Variants in PKD1L1 observed in about 807,000 individuals in gnomAD.
PKD1L1 encodes polycystin 1 like 1, transient receptor potential channel interacting, also known as polycystin-1-like protein 1.
In PKD1L1, 236 loss-of-function variants were observed where a neutral mutation model predicts 323.4. The observed-to-expected ratio is 0.73, with a 90% CI of 0.66 to 0.81. PKD1L1 has a LOEUF of 0.81. PKD1L1 is among the 40% of genes least tolerant of loss of function. The pLI, the probability that PKD1L1 is intolerant of heterozygous loss-of-function variation, is 0.00. For synonymous variants in PKD1L1, 1,344 were observed against 1,335.0 expected (o/e 1.01, Z -0.15); for missense variants, 3,320 against 3,508.0 (o/e 0.95, Z 1.35).
intron 26 of PKD1L1, among the ~76,000 whole-genome samples, chr7:47,863,424 A>G (rs1786076470): frequency 6.6e-6 from 1 of 151,790 alleles, no homozygotes; most frequent in African/African-American, 2.4e-5. Context: ...ATGAGATCAC[A>G]CAGGGAGGAG....
chr7:47,842,521 G>C (rs1187135299), intron 34 of PKD1L1, among the ~76,000 whole-genome samples: 1 of 152,082 alleles, frequency 6.6e-6, no homozygotes, highest in Non-Finnish European at 1.5e-5. Context: ...ACAGCTCACC[G>C]CGGCACCCCT....
At position 47,833,192 on chromosome 7, in the gene PKD1L1, T is replaced by C. The variant is rs765086244; in HGVS notation, c.6235A>G (p.Asn2079Asp). ...TTAGGGGCTGGACAAGCTGTGCCAT[T>C]GTCACTTGCCGCCTTCCTTTGGGCC... ...GRAQRKAASD[N>D]GTACPAPKLQ... is the part of the protein sequence containing the mutation. The change falls in exon 41 of 57, where the codon AAT becomes GAT. Residue 2079 changes from asparagine to aspartate, a missense_variant. By Grantham distance (23) the Asn-to-Asp change is conservative. Coordinates refer to ENST00000289672, the MANE Select transcript of PKD1L1 (RefSeq NM_138295.5). 1 of 1,612,988 alleles carries C rather than the reference T, an allele frequency of 6.2e-7. No individual in the cohort carries two copies. Among genetic ancestry groups the C allele is most frequent in the Non-Finnish European group, 8.5e-7 (1 of 1,179,584 alleles).
intron 3 of PKD1L1, among the ~76,000 whole-genome samples, chr7:47,938,715 C>G (rs2686826): frequency 0.81 from 122,751 of 152,100 alleles, 50,263 homozygotes; most frequent in East Asian, 1. Context: ...CAGGACCAAG[C>G]CCTTTGGGAC....
chr7:47,852,986 A>T (rs1424098870), intron 31 of PKD1L1, 141 bp downstream of exon 31: 1 of 656,958 alleles, frequency 1.5e-6, no homozygotes, highest in East Asian at 2.6e-5. Flanking sequence ...ATAGTGGAGC[A>T]GTTTGTTTAT....
intron 16 of PKD1L1, 28 bp downstream of exon 16, chr7:47,890,514 G>A: frequency 6.2e-7 from 1 of 1,604,088 alleles, no homozygotes; most frequent in Non-Finnish European, 8.5e-7. Context: ...CCGGTGAGCT[G>A]AGCTGTGCTG....
chr7:47,784,795 C>T (rs1413673581), intron 56 of PKD1L1, among the ~76,000 whole-genome samples: 1 of 152,098 alleles, frequency 6.6e-6, no homozygotes, highest in East Asian at 1.9e-4. Flanking sequence ...TTTTTAAAAG[C>T]GTTTCACTTG....
chr7:47,879,672 G>T (rs368206397), intron 21 of PKD1L1, among the ~76,000 whole-genome samples: 2 of 137,804 alleles, frequency 1.5e-5, no homozygotes, highest in East Asian at 2.1e-4. Flanking sequence ...GGTGGCTCAC[G>T]CCTGTAATCC....
intron 4 of PKD1L1, among the ~76,000 whole-genome samples, chr7:47,936,068 T>G (rs1411247997): frequency 6.6e-6 from 1 of 152,264 alleles, no homozygotes; most frequent in Non-Finnish European, 1.5e-5. Context: ...AAACCATCAA[T>G]TTCAGGTACA....
At position 47,881,936 on chromosome 7, in the gene PKD1L1, C is replaced by T; in HGVS notation, c.3415G>A (p.Ala1139Thr). The T allele has an allele frequency of 6.2e-7, 1 of 1,604,996 alleles. No homozygotes were observed. The highest frequency in any genetic ancestry group is 8.5e-7 in the Non-Finnish European group (1 of 1,177,310). The change falls in exon 20 of 57, where the codon GCA (alanine) becomes ACA (threonine). Residue 1139 changes from alanine (A) to threonine (T), a missense_variant. Ala to Thr is a moderately conservative substitution (Grantham distance 58). Transcript: ENST00000289672. Reference protein sequence around the residue: ...IDWPKALLGRAVFQGYSSSGI... With the variant: ...IDWPKALLGRTVFQGYSSSGI... The stretch of plus-strand genomic sequence containing the variant: ...GAGGATGAATAGCCTTGGAAAACTG[C>T]TCGACCCAGCAGGGCCTTGGGCCAG...
At chr7:47,783,191 C>CA (rs773738565) in intron 56 of PKD1L1, among the ~76,000 whole-genome samples, 86 of 151,484 alleles carry the variant, frequency 5.7e-4, no homozygotes, top group Non-Finnish European at 9.6e-4. Flanking sequence ...TTTAAAATAG[C>CA]AAAAAAAATC....
Position 47,839,713 on chromosome 7 carries a change from T to G in PKD1L1, c.5553-51A>C. ...AGCCGGGTGGGTGACAGTGTGGTCC[T>G]GGCATCCCATCAGCCCCAATGCTCA... On this transcript the variant is annotated intron_variant, in intron 35 of 56. Transcript: ENST00000289672. The surrounding 1 kb of genome is among the most constrained non-coding windows in gnomAD (Gnocchi z 4.3). 1 of 1,516,876 alleles carries G rather than the reference T, an allele frequency of 6.6e-7. No individual in the cohort carries two copies. Among genetic ancestry groups the G allele is most frequent in the Non-Finnish European group, 8.9e-7 (1 of 1,120,300 alleles). 94.0% of individuals were successfully genotyped at this position (1,516,876 alleles called of 1,614,324 possible).
In PKD1L1 at chr7:47,811,822, G is replaced by T; in HGVS notation, c.7576C>A (p.Pro2526Thr). The T allele has an allele frequency of 3.1e-6, 5 of 1,600,806 alleles. No individual in the cohort carries two copies. Among genetic ancestry groups the T allele is most frequent in the Non-Finnish European group, 4.3e-6 (5 of 1,174,316 alleles). Residue 2526 changes from proline to threonine, a missense_variant, in exon 50 of 57, where the codon CCC becomes ACC. Coordinates refer to ENST00000289672, the MANE Select transcript of PKD1L1 (RefSeq NM_138295.5). ...DSALQYHLML[P>T]QLVFLALSLI... is the part of the protein sequence containing the mutation. ...CAAGAGGCAGGTCAGCTCACCTGGG[G>T]AAGCATGAGGTGGTACTGCAGGGCT...
At chr7:47,861,955 G>A (rs1232942203) in intron 26 of PKD1L1, among the ~76,000 whole-genome samples, 1 of 150,822 alleles carries the variant, frequency 6.6e-6, no homozygotes, top group Non-Finnish European at 1.5e-5. Flanking sequence ...AGCACTTTGG[G>A]AGGCTGAGGC....
intron 46 of PKD1L1, chr7:47,819,705 G>C: frequency 1.8e-6 from 1 of 568,646 alleles, no homozygotes; most frequent in South Asian, 1.8e-5. Context: ...CATAGCACTG[G>C]GACTTCCAGG....
At position 47,813,302 on chromosome 7, in the gene PKD1L1, C is replaced by T; in HGVS notation, c.7174-9G>A. On this transcript the variant is annotated splice_polypyrimidine_tract_variant and intron_variant, in intron 48 of 56. Transcript: ENST00000289672. ...GAAAATGGCCTGGGAGGCTGCAGAACAAACCAGCAGTCAGAAGACACAGAT... is the reference window on the plus strand; with the variant it reads ...GAAAATGGCCTGGGAGGCTGCAGAATAAACCAGCAGTCAGAAGACACAGAT... 1.2e-6 allele frequency: 2 copies of T among 1,613,832 alleles called. No homozygotes were observed. Among genetic ancestry groups the T allele is most frequent in the South Asian group, 2.2e-5 (2 of 91,018 alleles).
In PKD1L1 at chr7:47,896,329, CAA is replaced by C. The variant is rs34061319; in HGVS notation, c.2271+1657_2271+1658del. 1.1e-3 allele frequency among the ~76,000 whole-genome samples: 53 copies of C among 46,860 alleles called. No individual in the cohort carries two copies. In the East Asian group the frequency reaches 0.011, roughly 10 times the overall value. The allele number at this position is 46,860 out of a possible 152,430, so 30.7% of individuals were successfully genotyped here. A position where few individuals can be genotyped will look rare whatever the true frequency, so the allele number is the denominator to read the frequency against. On this transcript the variant is annotated intron_variant, in intron 14 of 56. Transcript: ENST00000289672. Reference sequence around the variant, plus strand: ...TGGGCAACAGAGTGAGACCCTGTCTCAAAAAAAAAAAAAAAAAAAAAAAAAGG... The same window carrying C: ...TGGGCAACAGAGTGAGACCCTGTCTCAAAAAAAAAAAAAAAAAAAAAAAGG...
intron 24 of PKD1L1, among the ~76,000 whole-genome samples, chr7:47,868,874 C>T (rs181147236): frequency 1.3e-5 from 2 of 152,006 alleles, no homozygotes; most frequent in African/African-American, 4.8e-5. Flanking sequence ...GACTCTGTCT[C>T]AAGAAAAAAT....
intron 26 of PKD1L1, among the ~76,000 whole-genome samples, chr7:47,859,555 T>C (rs1785979638): frequency 6.6e-6 from 1 of 151,916 alleles, no homozygotes; most frequent in Non-Finnish European, 1.5e-5. Context: ...CATAGCTCCC[T>C]GCAGACTTGA....
Position 47,858,794 on chromosome 7 carries a change from C to A in PKD1L1, c.4241G>T (p.Gly1414Val), listed in dbSNP as rs570544897. 1 of 1,614,200 alleles carries A rather than the reference C, an allele frequency of 6.2e-7. No individual in the cohort carries two copies. The highest frequency in any genetic ancestry group is 1.3e-5 in the African/African-American group (1 of 75,060). The change falls in exon 27 of 57, where the codon GGA becomes GTA. Residue 1414 changes from glycine (G) to valine (V), a missense_variant. Gly to Val is a moderately radical substitution (Grantham distance 109). Coordinates refer to ENST00000289672, the MANE Select transcript of PKD1L1 (RefSeq NM_138295.5). Reference protein sequence around the residue: ...QFSGPFVIDKGVRLELIGLIS... With the variant: ...QFSGPFVIDKVVRLELIGLIS... ...GAGACCGATGAGCTCAAGCCTCACT[C>A]CTTTGTCAATCACAAATGGCCCCGA...
Sources: gnomAD v4.1 joint callset for allele counts (sites outside exome capture counted in the v4.1 genomes callset) on GRCh38, gnomAD v4.1.1 for gene constraint, Gnocchi (gnomAD v3.1) non-coding constraint, MANE v1.5 for transcripts, NCBI Gene and HGNC (gene_info 2026-07-23, HGNC 2026-07-21) for gene names.